EXT1: variants seen among roughly 807,000 people sequenced by gnomAD.
EXT1 encodes exostosin glycosyltransferase 1.
In EXT1, 20 loss-of-function variants were observed where a neutral mutation model predicts 82.5. That is an observed-to-expected ratio of 0.24 (90% CI 0.17 to 0.35). The LOEUF is 0.35. EXT1 is among the 10% of genes least tolerant of loss of function. The pLI is 1.00. For synonymous variants in EXT1, 348 were observed against 350.8 expected, an observed-to-expected ratio of 0.99 and a Z score of 0.09; for missense variants, 757 against 936.5, an observed-to-expected ratio of 0.81 and a Z score of 2.50.
At chr8:117,958,479 AGAAACATTGACACT>A (rs1814633221) in intron 1 of EXT1, among the ~76,000 whole-genome samples, 2 of 152,248 alleles carry the variant, frequency 1.3e-5, no homozygotes, top group Admixed American at 6.5e-5. Context: ...TGGATAATGA[AGAAACATTGACACT>A]GAATCCACAT....
At chr8:117,818,224 C>G (rs1162466101) in intron 7 of EXT1, among the ~76,000 whole-genome samples, 1 of 152,094 alleles carries the variant, frequency 6.6e-6, no homozygotes, top group Non-Finnish European at 1.5e-5. Flanking sequence ...CACAAGGTCA[C>G]AAAGCTATAA....
intron 1 of EXT1, among the ~76,000 whole-genome samples, chr8:117,846,326 T>C (rs956543054): frequency 6.6e-6 from 1 of 152,140 alleles, no homozygotes. Flanking sequence ...CAGGCTGGTC[T>C]TGAACTCCTG....
At chr8:117,898,910 T>G (rs977051100) in intron 1 of EXT1, among the ~76,000 whole-genome samples, 3 of 152,206 alleles carry the variant, frequency 2.0e-5, no homozygotes, top group African/African-American at 7.2e-5. Flanking sequence ...AACTACGGTT[T>G]TATCAATTCC....
intron 4 of EXT1, among the ~76,000 whole-genome samples, chr8:117,825,921 A>C (rs998057212): frequency 1.3e-5 from 2 of 152,208 alleles, no homozygotes; most frequent in African/African-American, 2.4e-5. Context: ...TATTATCATA[A>C]TCTCAGGCAC....
chr8:117,927,378 G>A (rs868535946), intron 1 of EXT1, among the ~76,000 whole-genome samples: 7 of 7,152 alleles, frequency 9.8e-4, no homozygotes, highest in Middle Eastern at 0.2. Flanking sequence ...ACCTTATTAA[G>A]TACTATTTTG....
At chr8:118,062,998 AAAG>A (rs1364137463) in intron 1 of EXT1, among the ~76,000 whole-genome samples, 7 of 152,234 alleles carry the variant, frequency 4.6e-5, no homozygotes, top group Non-Finnish European at 7.3e-5. Flanking sequence ...GCAAATCTGG[AAAG>A]AAGAAGGAGA....
intron 1 of EXT1, among the ~76,000 whole-genome samples, chr8:118,019,246 TGAAAGAAAGAAAGAAAGAAA>T (rs58914414): frequency 6.9e-5 from 10 of 145,742 alleles, no homozygotes; most frequent in African/African-American, 2.5e-4. Flanking sequence ...GCAGTACGAT[TGAAAGAAAGAAAGAAAGAAA>T]GAAAGAAAGA....
intron 1 of EXT1, among the ~76,000 whole-genome samples, chr8:117,942,746 C>T (rs1254103974): frequency 6.6e-6 from 1 of 152,146 alleles, no homozygotes; most frequent in Admixed American, 6.6e-5. Flanking sequence ...GAAGATTATA[C>T]TCAAATATCC....
intron 1 of EXT1, among the ~76,000 whole-genome samples, chr8:117,915,536 A>C (rs1813731121): frequency 6.6e-6 from 1 of 152,190 alleles, no homozygotes; most frequent in African/African-American, 2.4e-5. Context: ...TTATTTCAAC[A>C]ACCAAATAAC....
rs539881127 is a variant in EXT1, at chr8:117,907,830, TAA to T, written c.963-70631_963-70630del. 5.6e-3 allele frequency among the ~76,000 whole-genome samples: 846 copies of T among 152,330 alleles called. 6 individuals are homozygous for T. The highest frequency in any genetic ancestry group is 9.2e-3 in the Non-Finnish European group (628 of 68,024). On this transcript the variant is annotated intron_variant, in intron 1 of 10. Coordinates refer to ENST00000378204, the MANE Select transcript of EXT1 (RefSeq NM_000127.3). ...AACTCTCACTTTTTGAAGCGATCTA[TAA>T]AGTCTAGTAATCAGCCTGTGAGCAA...
At chr8:117,897,896 C>A (rs926575685) in intron 1 of EXT1, among the ~76,000 whole-genome samples, 1 of 152,208 alleles carries the variant, frequency 6.6e-6, no homozygotes, top group Middle Eastern at 3.4e-3. Flanking sequence ...AACCACCGCA[C>A]CCAGCCGCCT....
chr8:118,095,161 G>A (rs562021566), intron 1 of EXT1, among the ~76,000 whole-genome samples: 18 of 152,072 alleles, frequency 1.2e-4, no homozygotes, highest in African/African-American at 3.9e-4. Flanking sequence ...TCATCCAAGG[G>A]GGCTCATTTC....
intron 1 of EXT1, among the ~76,000 whole-genome samples, chr8:118,056,895 C>A (rs11562696): frequency 6.6e-6 from 1 of 152,116 alleles, no homozygotes; most frequent in East Asian, 1.9e-4. Flanking sequence ...CACAGGATGA[C>A]GACTCAGTCA....
intron 9 of EXT1, among the ~76,000 whole-genome samples, chr8:117,806,854 T>C (rs1268319169): frequency 1.3e-5 from 2 of 152,238 alleles, no homozygotes; most frequent in African/African-American, 2.4e-5. Context: ...TGGCAAGGAA[T>C]TTTTTCTGCT....
chr8:118,040,477 G>A (rs1326568852), intron 1 of EXT1, among the ~76,000 whole-genome samples: 1 of 152,110 alleles, frequency 6.6e-6, no homozygotes, highest in Non-Finnish European at 1.5e-5. Context: ...AACCTACTGG[G>A]CCAGTGTCAT....
At chr8:118,011,765 GA>G (rs796738026) in intron 1 of EXT1, among the ~76,000 whole-genome samples, 58 of 152,240 alleles carry the variant, frequency 3.8e-4, no homozygotes, top group African/African-American at 1.3e-3. Context: ...GCTCCCCTGT[GA>G]CATGTCTCCA....
At position 117,797,281 on chromosome 8, in the gene EXT1, G is replaced by A. The variant is rs1823100886; in HGVS notation, c.*2431C>T. ...GCTAGCTCACATCCCAAAGAGATTT[G>A]CTCAGAGAATGACATAAAATGAAAC... On this transcript the variant is annotated 3_prime_UTR_variant, in exon 11 of 11. Transcript: ENST00000378204. 2.0e-5 allele frequency: 3 copies of A among 152,214 alleles called. No individual in the cohort carries two copies. The allele number at this position is 152,214 out of a possible 1,614,324, so 9.4% of individuals were successfully genotyped here.
intron 1 of EXT1, among the ~76,000 whole-genome samples, chr8:117,947,936 AAGG>A (rs1169018799): frequency 6.6e-6 from 1 of 152,158 alleles, no homozygotes; most frequent in Non-Finnish European, 1.5e-5. Context: ...CCTCTCATTT[AAGG>A]AGGACTTTTC....
In EXT1 at chr8:118,028,730, G is replaced by A. The variant is rs143279545; in HGVS notation, c.962+81355C>T. Among the ~76,000 whole-genome samples, 993 of 152,120 alleles carry A rather than the reference G, an allele frequency of 6.5e-3. 11 individuals are homozygous for A. Among genetic ancestry groups the A allele is most frequent in the African/African-American group, 0.023 (951 of 41,504 alleles). ...GGAGCACCTGATGTCAGGAGTTAGA[G>A]ACCAGCCTGACCAACAACCCCGTCT... On this transcript the variant is annotated intron_variant, in intron 1 of 10. Coordinates refer to ENST00000378204, the MANE Select transcript of EXT1 (RefSeq NM_000127.3).
Sources: allele counts gnomAD v4.1 joint callset (sites outside exome capture counted in the v4.1 genomes callset), GRCh38; gene constraint gnomAD v4.1.1; transcripts MANE v1.5; gene names NCBI Gene and HGNC (gene_info 2026-07-23, HGNC 2026-07-21).